Variants in GPBP1 observed in about 807,000 individuals in gnomAD.
GPBP1 encodes vasculin.
Under a neutral mutation model 56.5 loss-of-function variants are expected in GPBP1, and 13 were observed. The ratio of observed to expected loss-of-function variants is 0.23; its 90% CI spans 0.15 to 0.37. The LOEUF (loss-of-function observed/expected upper bound fraction) is 0.37, where lower values mean the gene tolerates loss of function less well. Among genes scored for constraint, GPBP1 ranks in the 10% least tolerant of loss-of-function variants. The probability of loss-of-function intolerance (pLI) is 1.00; values close to 1 mark genes in which losing one functional copy is unlikely to be tolerated. For missense variants in GPBP1, 477 were observed against 572.3 expected (o/e 0.83, Z 1.70); for synonymous variants, 204 against 188.9 (o/e 1.08, Z -0.66).
At chr5:57,229,516 TCTTTCC>T (rs931110803) in intron 3 of GPBP1, among the ~76,000 whole-genome samples, 14 of 151,498 alleles carry the variant, frequency 9.2e-5, no homozygotes, top group African/African-American at 1.9e-4. Flanking sequence ...TTTTTCTTTC[TCTTTCC>T]CTTTCCCTTT....
chr5:57,206,460 G>A (rs1259845833), intron 2 of GPBP1, among the ~76,000 whole-genome samples: 7 of 151,948 alleles, frequency 4.6e-5, no homozygotes, highest in African/African-American at 4.8e-5. Flanking sequence ...GTGTAGTAGC[G>A]CGATCCCGGC....
At chr5:57,232,166 A>G (rs1314899556) in intron 5 of GPBP1, among the ~76,000 whole-genome samples, 1 of 152,078 alleles carries the variant, frequency 6.6e-6, no homozygotes, top group Non-Finnish European at 1.5e-5. Flanking sequence ...CTACAGATGC[A>G]CACCACTACA....
At chr5:57,246,138 T>C (rs1741076620) in intron 6 of GPBP1, 162 bp from the exon 7 acceptor site, 4 of 513,092 alleles carry the variant, frequency 7.8e-6, no homozygotes, top group Middle Eastern at 5.2e-4. Flanking sequence ...ACTTGTTCAA[T>C]TGGAATATAG....
rs1050789223 is a variant in GPBP1, at chr5:57,263,237, A to G, written c.*485A>G. ...CCCAAAAAACAACAACAACAAAACA[A>G]AAACCAAAAAGGAAAATGTAGCATG... On this transcript the variant is annotated 3_prime_UTR_variant, in exon 12 of 12. Coordinates refer to ENST00000506184, the MANE Select transcript of GPBP1 (RefSeq NM_022913.4). 6.5e-6 allele frequency: 1 copy of G among 152,740 alleles called. No individual in the cohort carries two copies. The highest frequency in any genetic ancestry group is 6.5e-5 in the Admixed American group (1 of 15,306). 9.5% of individuals were successfully genotyped at this position (152,740 alleles called of 1,614,324 possible). A position where few individuals can be genotyped will look rare whatever the true frequency, so the allele number is the denominator to read the frequency against.
chr5:57,213,438 T>C (rs1755576718), intron 2 of GPBP1, among the ~76,000 whole-genome samples: 2 of 152,210 alleles, frequency 1.3e-5, no homozygotes, highest in South Asian at 4.1e-4. Context: ...AATATCCAGC[T>C]TATGTTCAAA....
chr5:57,187,109 T>C (rs927952033), intron 2 of GPBP1, among the ~76,000 whole-genome samples: 1 of 152,090 alleles, frequency 6.6e-6, no homozygotes, highest in African/African-American at 2.4e-5. Flanking sequence ...ATTTGATTTT[T>C]TTTTCTGCTT....
intron 3 of GPBP1, among the ~76,000 whole-genome samples, chr5:57,217,285 A>G (rs1443213311): frequency 1.3e-5 from 2 of 152,040 alleles, no homozygotes; most frequent in African/African-American, 4.8e-5. Flanking sequence ...ACATAAAACA[A>G]CTACTGCCTG....
intron 3 of GPBP1, among the ~76,000 whole-genome samples, chr5:57,214,742 A>G (rs1301172370): frequency 6.6e-6 from 1 of 151,854 alleles, no homozygotes; most frequent in African/African-American, 2.4e-5. Flanking sequence ...TGTAGCCTAC[A>G]CCTCCTGGGT....
chr5:57,254,705 A>T (rs1741564713), intron 10 of GPBP1, among the ~76,000 whole-genome samples: 1 of 152,176 alleles, frequency 6.6e-6, no homozygotes, highest in Non-Finnish European at 1.5e-5. Context: ...AAAAAAAAAA[A>T]AAAAGAGTAA....
chr5:57,220,137 G>A (rs1214421826), intron 3 of GPBP1, among the ~76,000 whole-genome samples: 2 of 151,476 alleles, frequency 1.3e-5, no homozygotes, highest in African/African-American at 4.9e-5. Flanking sequence ...TTAACTTGAA[G>A]TTAAGATTGG....
At chr5:57,215,206 A>G (rs913142037) in intron 3 of GPBP1, among the ~76,000 whole-genome samples, 1 of 152,142 alleles carries the variant, frequency 6.6e-6, no homozygotes, top group Non-Finnish European at 1.5e-5. Flanking sequence ...AACATTATCT[A>G]ATTTGTTCAT....
At chr5:57,190,235 AG>A (rs1561325988) in intron 2 of GPBP1, among the ~76,000 whole-genome samples, 1 of 151,426 alleles carries the variant, frequency 6.6e-6, no homozygotes, top group African/African-American at 2.4e-5. Flanking sequence ...CTTGGGGACT[AG>A]GTGGAATTTG....
At chr5:57,242,151 T>G (rs955157374) in intron 6 of GPBP1, among the ~76,000 whole-genome samples, 6 of 152,200 alleles carry the variant, frequency 3.9e-5, no homozygotes, top group Non-Finnish European at 1.5e-5. Context: ...AAGTTTTTCT[T>G]TTTCTTACTC....
At chr5:57,183,076 C>T (rs1243661202) in intron 2 of GPBP1, among the ~76,000 whole-genome samples, 1 of 152,032 alleles carries the variant, frequency 6.6e-6, no homozygotes, top group Admixed American at 6.6e-5. Flanking sequence ...GTTTTTAAAA[C>T]TCTTAGTTGC....
At position 57,176,268 on chromosome 5, in the gene GPBP1, C is replaced by G. The variant is rs1204156732; in HGVS notation, c.-190C>G. On this transcript the variant is annotated 5_prime_UTR_variant, in exon 2 of 12. The change creates a premature stop within an existing upstream ORF in the 5' untranslated region. Transcript: ENST00000506184. ...TAGCTGACTTGAAGTAACTCTATGT[C>G]AAATAGTCGTAGGTTAAGTATCTTC... The G allele has an allele frequency of 2.8e-6, 1 of 359,822 alleles. No homozygotes were observed. The highest frequency in any genetic ancestry group is 2.1e-5 in the African/African-American group (1 of 47,882). The allele number at this position is 359,822 out of a possible 1,614,324, so 22.3% of individuals were successfully genotyped here.
At chr5:57,246,197 T>TAAAA in intron 6 of GPBP1, 103 bp from the exon 7 acceptor site, 2 of 686,588 alleles carry the variant, frequency 2.9e-6, no homozygotes, top group African/African-American at 3.7e-5. Flanking sequence ...AGCTGTTAGT[T>TAAAA]AAAAAAAAAA....
intron 2 of GPBP1, among the ~76,000 whole-genome samples, chr5:57,209,343 T>C (rs1281031661): frequency 6.6e-6 from 1 of 152,096 alleles, no homozygotes; most frequent in Non-Finnish European, 1.5e-5. Flanking sequence ...CAGGCTGGAG[T>C]GTAGTGCTTT....
At chr5:57,245,532 ACTGAT>A (rs1227104730) in intron 6 of GPBP1, 1 of 152,188 alleles carries the variant, frequency 6.6e-6, no homozygotes, top group Non-Finnish European at 1.5e-5. Context: ...CAGCTGTGAA[ACTGAT>A]GCTTTTAAAA....
intron 2 of GPBP1, among the ~76,000 whole-genome samples, chr5:57,182,946 C>T (rs1385867836): frequency 6.6e-6 from 1 of 152,162 alleles, no homozygotes; most frequent in African/African-American, 2.4e-5. Context: ...GCCTCCCAAA[C>T]TGTTGGGATT....
Sources: gnomAD v4.1 joint callset for allele counts (sites outside exome capture counted in the v4.1 genomes callset) on GRCh38, gnomAD v4.1.1 for gene constraint, MANE v1.5 for transcripts, NCBI Gene and HGNC (gene_info 2026-07-23, HGNC 2026-07-21) for gene names.